GRM7: variants seen among roughly 807,000 people sequenced by gnomAD.
GRM7 encodes metabotropic glutamate receptor 7.
A neutral mutation model predicts 84.5 loss-of-function variants in GRM7; 35 were observed. That is an observed-to-expected ratio of 0.41 (90% CI 0.32 to 0.55). GRM7 has a LOEUF of 0.55. Among genes scored for constraint, GRM7 ranks in the 20% least tolerant of loss-of-function variants. The pLI, the probability that GRM7 is intolerant of heterozygous loss-of-function variation, is 0.19. For synonymous variants in GRM7, 487 were observed against 455.1 expected (o/e 1.07, Z -0.89); for missense variants, 1,003 against 1,194.6 (o/e 0.84, Z 2.36).
At position 7,229,753 on chromosome 3, in the gene GRM7, ATATATATTT is replaced by A. The variant is rs1559514709; in HGVS notation, c.737-68929_737-68921del. Among the ~76,000 whole-genome samples, 106 of 29,272 alleles carry A rather than the reference ATATATATTT, an allele frequency of 3.6e-3. 4 individuals are homozygous for A. Among genetic ancestry groups the A allele is most frequent in the Non-Finnish European group, 4.6e-3 (73 of 15,768 alleles). 19.2% of individuals were successfully genotyped at this position (29,272 alleles called of 152,430 possible). On this transcript the variant is annotated intron_variant, in intron 2 of 9. Coordinates refer to ENST00000357716, the MANE Select transcript of GRM7 (RefSeq NM_000844.4). ...TATATATATATATATATATATATAT[ATATATATTT>A]TTTTTTTTTTTTGGTTGACAGGTGT...
intron 4 of GRM7, among the ~76,000 whole-genome samples, chr3:7,334,499 AAAC>A (rs777794119): frequency 0.031 from 4,781 of 151,976 alleles, 149 homozygotes; most frequent in African/African-American, 0.08. Context: ...AGAAAAACAA[AAAC>A]AAAAACAAAA....
intron 1 of GRM7, among the ~76,000 whole-genome samples, chr3:6,994,584 AT>A (rs1488719973): frequency 3.6e-4 from 55 of 152,200 alleles, no homozygotes; most frequent in Non-Finnish European, 6.6e-4. Context: ...TTGTTGTTGA[AT>A]TTTTTTTAAA....
At chr3:7,195,845 G>A (rs1333373528) in intron 2 of GRM7, among the ~76,000 whole-genome samples, 1 of 152,046 alleles carries the variant, frequency 6.6e-6, no homozygotes, top group East Asian at 1.9e-4. Flanking sequence ...TACCTACAGT[G>A]GCTTCCCATT....
At chr3:7,565,425 A>C (rs1467957203) in intron 7 of GRM7, among the ~76,000 whole-genome samples, 1 of 152,182 alleles carries the variant, frequency 6.6e-6, no homozygotes, top group East Asian at 1.9e-4. Flanking sequence ...CGTAATTACA[A>C]AGTGCTGTGA....
At chr3:7,363,300 G>T (rs1350501234) in intron 4 of GRM7, among the ~76,000 whole-genome samples, 1 of 151,882 alleles carries the variant, frequency 6.6e-6, no homozygotes, top group Admixed American at 6.6e-5. Flanking sequence ...GATTTGTTCT[G>T]CATTAACCAC....
At position 6,980,266 on chromosome 3, in the gene GRM7, A is replaced by G. The variant is rs375090507; in HGVS notation, c.519+118359A>G. Among the ~76,000 whole-genome samples the G allele has an allele frequency of 4.6e-5, 7 of 152,242 alleles. No homozygotes were observed. In the South Asian group the frequency reaches 1.2e-3, roughly 27 times the overall value. On this transcript the variant is annotated intron_variant, in intron 1 of 9. Transcript: ENST00000357716. ...TTACACAATACTTACTGATTATATA[A>G]TACTTAATATTTTTGAGGCCATAGA...
At chr3:7,028,759 T>C (rs1380333930) in intron 1 of GRM7, among the ~76,000 whole-genome samples, 1 of 152,150 alleles carries the variant, frequency 6.6e-6, no homozygotes, top group Non-Finnish European at 1.5e-5. Flanking sequence ...GCAATATCAC[T>C]ACAGACCTAT....
At chr3:7,012,038 C>T (rs926528499) in intron 1 of GRM7, among the ~76,000 whole-genome samples, 4 of 152,048 alleles carry the variant, frequency 2.6e-5, no homozygotes, top group Admixed American at 6.6e-5. Flanking sequence ...CAGATTAAGC[C>T]TGCCTCTGAG....
chr3:7,549,487 G>C (rs920913304), intron 7 of GRM7, among the ~76,000 whole-genome samples: 17 of 152,148 alleles, frequency 1.1e-4, no homozygotes, highest in African/African-American at 4.1e-4. Flanking sequence ...CTATACCTCT[G>C]AGCCTGTATG....
chr3:7,683,033 T>G (rs1700441642), intron 9 of GRM7, among the ~76,000 whole-genome samples: 1 of 152,248 alleles, frequency 6.6e-6, no homozygotes, highest in African/African-American at 2.4e-5. Flanking sequence ...CAACCCACGC[T>G]TGTTCCTCTT....
At chr3:7,176,145 T>TA (rs1350875388) in intron 2 of GRM7, among the ~76,000 whole-genome samples, 1 of 144,744 alleles carries the variant, frequency 6.9e-6, no homozygotes, top group Non-Finnish European at 1.5e-5. Context: ...TTCATGCCTA[T>TA]AAGGCAGAGG....
intron 1 of GRM7, among the ~76,000 whole-genome samples, chr3:6,897,630 C>G (rs1236241284): frequency 1.3e-5 from 2 of 152,118 alleles, no homozygotes; most frequent in Non-Finnish European, 1.5e-5. Context: ...TAGCTGTTAC[C>G]ATTATCATCG....
intron 9 of GRM7, among the ~76,000 whole-genome samples, chr3:7,717,257 T>G (rs1701797047): frequency 6.6e-6 from 1 of 152,114 alleles, no homozygotes; most frequent in Non-Finnish European, 1.5e-5. Context: ...AGAAAAGACT[T>G]CCAAAACTTA....
chr3:7,462,181 G>C (rs1698276128), intron 7 of GRM7, among the ~76,000 whole-genome samples: 2 of 152,062 alleles, frequency 1.3e-5, no homozygotes, highest in Non-Finnish European at 2.9e-5. Context: ...TTCCATTTCT[G>C]TAACCTCTCC....
chr3:7,678,096 T>A (rs1270872858), intron 8 of GRM7, among the ~76,000 whole-genome samples: 1 of 152,056 alleles, frequency 6.6e-6, no homozygotes. Context: ...GGGCAAGGGT[T>A]GAAAAAATAA....
rs1327876348 is a variant in GRM7, at chr3:7,461,612, A to G, written c.1405A>G (p.Lys469Glu). The change falls in exon 7 of 10, where the codon AAG (lysine) becomes GAG (glutamate). Residue 469 changes from lysine (K) to glutamate (E), a missense_variant. Physicochemically the swap from Lys to Glu is moderately conservative, Grantham distance 56 (BLOSUM62 1). This residue lies in a region of GRM7 where 910 missense variants were observed against 1,126.0 expected (regional missense o/e 0.81). Coordinates refer to ENST00000357716, the MANE Select transcript of GRM7 (RefSeq NM_000844.4). The stretch of plus-strand genomic sequence containing the variant: ...TGCTGGCACTCCAGTGATGTTTAAC[A>G]AGAACGGGGATGCACCTGGGCGTTA... ...GSAGTPVMFN[K>E]NGDAPGRYDI... 6.2e-7 allele frequency: 1 copy of G among 1,613,036 alleles called. No homozygotes were observed. Among genetic ancestry groups the G allele is most frequent in the South Asian group, 1.1e-5 (1 of 91,060 alleles).
At chr3:7,660,225 A>G (rs1699379889) in intron 8 of GRM7, among the ~76,000 whole-genome samples, 1 of 152,212 alleles carries the variant, frequency 6.6e-6, no homozygotes, top group African/African-American at 2.4e-5. Context: ...CCACATGATC[A>G]AATTTAGCAT....
At chr3:7,625,752 T>C (rs1697578872) in intron 8 of GRM7, among the ~76,000 whole-genome samples, 1 of 152,166 alleles carries the variant, frequency 6.6e-6, no homozygotes. Context: ...AGCCTGGCTT[T>C]ATAGGTGCAG....
intron 1 of GRM7, among the ~76,000 whole-genome samples, chr3:7,052,252 G>T (rs1270516263): frequency 1.3e-5 from 2 of 151,560 alleles, no homozygotes; most frequent in African/African-American, 2.4e-5. Context: ...TATCCCTTCT[G>T]CCCTGTTCTC....
Sources: allele counts gnomAD v4.1 joint callset (sites outside exome capture counted in the v4.1 genomes callset), GRCh38; gene constraint gnomAD v4.1.1; regional missense constraint gnomAD v4.1.1; transcripts MANE v1.5; gene names NCBI Gene and HGNC (gene_info 2026-07-23, HGNC 2026-07-21).